TNR: variants seen among roughly 807,000 people sequenced by gnomAD.
TNR encodes tenascin R.
TNR carries 45 observed loss-of-function variants against 150.4 expected under a neutral mutation model. That is an observed-to-expected ratio of 0.30 (90% CI 0.24 to 0.38). TNR has a LOEUF of 0.38. Among genes scored for constraint, TNR ranks in the 10% least tolerant of loss-of-function variants. The pLI is 1.00. For missense variants in TNR, 1,544 were observed against 1,759.1 expected (o/e 0.88, Z 2.19); for synonymous variants, 687 against 678.4 (o/e 1.01, Z -0.20).
chr1:175,608,835 T>C (rs1332157185), intron 1 of TNR, among the ~76,000 whole-genome samples: 1 of 151,948 alleles, frequency 6.6e-6, no homozygotes, highest in African/African-American at 2.4e-5. Context: ...CCTGTGGGAG[T>C]ATCAAAAATT....
At chr1:175,621,562 G>C (rs928438865) in intron 1 of TNR, among the ~76,000 whole-genome samples, 2 of 152,270 alleles carry the variant, frequency 1.3e-5, no homozygotes, top group Non-Finnish European at 1.5e-5. Context: ...TATTAAATGG[G>C]TTAATAGTAG....
chr1:175,323,361 AACTGTAAGG>A lies in TNR; in HGVS notation c.4064_4072del (p.Ser1355_Gln1357del). 6.2e-7 allele frequency: 1 copy of A among 1,614,130 alleles called. No homozygotes were observed. Among genetic ancestry groups the A allele is most frequent in the South Asian group, 1.1e-5 (1 of 91,078 alleles). ...TGGCTTGCAGCCGCCCACTGCTCAG[AACTGTAAGG>A]ACTGCCGTTTTCTCCCTGCCATGAG... On this transcript the variant is annotated inframe_deletion, in exon 23 of 23. Transcript: ENST00000367674.
intron 1 of TNR, among the ~76,000 whole-genome samples, chr1:175,728,767 C>G (rs1667547295): frequency 6.6e-6 from 1 of 152,168 alleles, no homozygotes; most frequent in African/African-American, 2.4e-5. Context: ...ATATGGGATC[C>G]TATACAGGGT....
At chr1:175,393,367 T>A (rs1232146150) in intron 6 of TNR, among the ~76,000 whole-genome samples, 1 of 152,238 alleles carries the variant, frequency 6.6e-6, no homozygotes, top group African/African-American at 2.4e-5. Context: ...GGTGCATCTG[T>A]CTGCACAGAA....
At chr1:175,529,637 G>T (rs1659986645) in intron 1 of TNR, among the ~76,000 whole-genome samples, 1 of 152,204 alleles carries the variant, frequency 6.6e-6, no homozygotes, top group African/African-American at 2.4e-5. Flanking sequence ...AAGAATCGCA[G>T]GTTCTTTGGA....
intron 4 of TNR, among the ~76,000 whole-genome samples, chr1:175,400,601 A>G (rs959964833): frequency 3.9e-5 from 6 of 152,176 alleles, no homozygotes; most frequent in Non-Finnish European, 7.4e-5. Flanking sequence ...AGTGCTGCAG[A>G]CCTAGGGGGC....
chr1:175,683,502 G>A (rs999645487), intron 1 of TNR, among the ~76,000 whole-genome samples: 4 of 152,196 alleles, frequency 2.6e-5, no homozygotes, highest in African/African-American at 9.7e-5. Flanking sequence ...CTGACCAAGG[G>A]TGAGTCTGGC....
chr1:175,376,305 G>T (rs918915495), intron 9 of TNR, among the ~76,000 whole-genome samples: 7 of 152,346 alleles, frequency 4.6e-5, no homozygotes, highest in Non-Finnish European at 8.8e-5. Flanking sequence ...TGAGTAGTTT[G>T]TTGTCAGAAG....
At chr1:175,668,681 C>A (rs1665602559) in intron 1 of TNR, among the ~76,000 whole-genome samples, 1 of 152,186 alleles carries the variant, frequency 6.6e-6, no homozygotes, top group Admixed American at 6.5e-5. Context: ...TTATTGAACA[C>A]CTACCGTGAC....
chr1:175,661,472 G>A (rs988944702), intron 1 of TNR, among the ~76,000 whole-genome samples: 1 of 152,150 alleles, frequency 6.6e-6, no homozygotes, highest in East Asian at 1.9e-4. Flanking sequence ...AGGAAGACTT[G>A]GCCGGGGCAA....
intron 1 of TNR, among the ~76,000 whole-genome samples, chr1:175,546,833 T>C (rs906020055): frequency 1.3e-5 from 2 of 152,078 alleles, no homozygotes; most frequent in African/African-American, 2.4e-5. Flanking sequence ...TTCCCAAGAT[T>C]GGCAGTGAGC....
chr1:175,694,371 G>T (rs974029673), intron 1 of TNR, among the ~76,000 whole-genome samples: 1 of 152,086 alleles, frequency 6.6e-6, no homozygotes, highest in Non-Finnish European at 1.5e-5. Context: ...GCATCATCAC[G>T]GACCTGACCT....
At chr1:175,560,699 T>C (rs1421678715) in intron 1 of TNR, among the ~76,000 whole-genome samples, 1 of 152,232 alleles carries the variant, frequency 6.6e-6, no homozygotes, top group East Asian at 1.9e-4. Context: ...CAATCTGAAA[T>C]CTGCTTTCTT....
chr1:175,558,591 C>T (rs55861837), intron 1 of TNR, among the ~76,000 whole-genome samples: 4,325 of 152,286 alleles, frequency 0.028, 74 homozygotes, highest in South Asian at 0.065. Context: ...GAATGTTCCT[C>T]CTTATGTTAA....
intron 14 of TNR, among the ~76,000 whole-genome samples, chr1:175,361,516 C>G (rs144401593): frequency 6.6e-6 from 1 of 152,236 alleles, no homozygotes; most frequent in East Asian, 1.9e-4. Context: ...ATCAGAATAT[C>G]CTGCGCTGTC....
chr1:175,591,344 AC>A (rs774258422), intron 1 of TNR, among the ~76,000 whole-genome samples: 2 of 151,894 alleles, frequency 1.3e-5, no homozygotes, highest in Non-Finnish European at 2.9e-5. Flanking sequence ...GCAGAAATGA[AC>A]CCCTCCCAGG....
At chr1:175,324,244 T>C (rs1649227802) in intron 22 of TNR, 112 bp downstream of exon 22, 3 of 1,199,086 alleles carry the variant, frequency 2.5e-6, no homozygotes, top group Admixed American at 2.7e-5. Context: ...ACTCAAAATA[T>C]TTCTTTTTAA....
chr1:175,576,841 C>T (rs1397573216), intron 1 of TNR, among the ~76,000 whole-genome samples: 1 of 152,220 alleles, frequency 6.6e-6, no homozygotes, highest in Non-Finnish European at 1.5e-5. Context: ...TCCTCTTCCT[C>T]TGTGCTCCCA....
chr1:175,525,148 G>T (rs1659801220), intron 2 of TNR, among the ~76,000 whole-genome samples: 1 of 152,110 alleles, frequency 6.6e-6, no homozygotes, highest in Non-Finnish European at 1.5e-5. Flanking sequence ...GTTTTATAAG[G>T]GGCTTTTCCC....
Sources: gnomAD v4.1 joint callset for allele counts (sites outside exome capture counted in the v4.1 genomes callset) on GRCh38, gnomAD v4.1.1 for gene constraint, MANE v1.5 for transcripts, NCBI Gene and HGNC (gene_info 2026-07-23, HGNC 2026-07-21) for gene names.